GRM3: variants seen among roughly 807,000 people sequenced by gnomAD.
GRM3 encodes the protein metabotropic glutamate receptor 3.
GRM3 carries 26 observed loss-of-function variants against 70.5 expected under a neutral mutation model. The ratio of observed to expected loss-of-function variants is 0.37; its 90% CI spans 0.27 to 0.51. GRM3 has a LOEUF of 0.51. Among genes scored for constraint, GRM3 ranks in the 20% least tolerant of loss-of-function variants. The probability of loss-of-function intolerance (pLI) is 0.93; values close to 1 mark genes in which losing one functional copy is unlikely to be tolerated. For missense variants in GRM3, 859 were observed against 1,123.8 expected, an observed-to-expected ratio of 0.76 and a Z score of 3.37; for synonymous variants, 443 against 434.9, an observed-to-expected ratio of 1.02 and a Z score of -0.23.
chr7:86,704,931 A>C (rs2116123592), intron 1 of GRM3, among the ~76,000 whole-genome samples: 1 of 152,038 alleles, frequency 6.6e-6, no homozygotes, highest in South Asian at 2.1e-4. Flanking sequence ...GGACAAGTCA[A>C]TCAATGTTAA....
At chr7:86,794,747 C>T (rs1797508355) in intron 3 of GRM3, among the ~76,000 whole-genome samples, 1 of 152,140 alleles carries the variant, frequency 6.6e-6, no homozygotes, top group Admixed American at 6.5e-5. Context: ...ACTGTACCTA[C>T]ACTCCAAACT....
intron 2 of GRM3, among the ~76,000 whole-genome samples, chr7:86,769,804 G>T (rs2116436477): frequency 6.6e-6 from 1 of 152,164 alleles, no homozygotes; most frequent in South Asian, 2.1e-4. Context: ...CAACAGTATT[G>T]ATTTCTTAAT....
At chr7:86,782,069 G>A (rs1317284768) in intron 2 of GRM3, among the ~76,000 whole-genome samples, 4 of 152,118 alleles carry the variant, frequency 2.6e-5, no homozygotes, top group African/African-American at 9.7e-5. Flanking sequence ...TCAGTTCTAA[G>A]TGTTTCCATG....
At chr7:86,746,819 T>C (rs2116342912) in intron 1 of GRM3, among the ~76,000 whole-genome samples, 1 of 152,144 alleles carries the variant, frequency 6.6e-6, no homozygotes, top group East Asian at 1.9e-4. Flanking sequence ...AATAATAGGG[T>C]TGGCAAATGC....
chr7:86,760,275 G>A (rs760535062), intron 1 of GRM3, among the ~76,000 whole-genome samples: 2 of 152,048 alleles, frequency 1.3e-5, no homozygotes, highest in Non-Finnish European at 2.9e-5. Context: ...CATATGCAGA[G>A]TACAGAAATG....
chr7:86,707,044 C>G (rs148982852), intron 1 of GRM3, among the ~76,000 whole-genome samples: 1 of 151,852 alleles, frequency 6.6e-6, no homozygotes, highest in Admixed American at 6.6e-5. Flanking sequence ...TAAATTAGAC[C>G]GATAGCAAGA....
intron 3 of GRM3, chr7:86,832,986 C>G: frequency 1.0e-6 from 1 of 981,832 alleles, no homozygotes; most frequent in Non-Finnish European, 1.2e-6. Context: ...AAAAATTCTT[C>G]CATCTTCCTG....
At chr7:86,764,929 G>T (rs966618258) in intron 1 of GRM3, 77 bp from the exon 2 acceptor site, 1 of 1,015,396 alleles carries the variant, frequency 9.8e-7, no homozygotes, top group Non-Finnish European at 1.3e-6. Context: ...TCCCATTAAA[G>T]GTCTGATTGG....
At chr7:86,780,292 T>C (rs1488480884) in intron 2 of GRM3, among the ~76,000 whole-genome samples, 1 of 152,190 alleles carries the variant, frequency 6.6e-6, no homozygotes, top group African/African-American at 2.4e-5. Flanking sequence ...CCTGTATGCA[T>C]ATGTAACAAA....
At chr7:86,864,221 GCTATTA>G in intron 5 of GRM3, 55 bp from the exon 6 acceptor site, 1 of 839,812 alleles carries the variant, frequency 1.2e-6, no homozygotes, top group Non-Finnish European at 2.1e-6. Context: ...TATCCTTCAT[GCTATTA>G]CCTTTGTGTC....
chr7:86,862,626 C>T (rs1798981424), intron 5 of GRM3, among the ~76,000 whole-genome samples: 1 of 152,072 alleles, frequency 6.6e-6, no homozygotes, highest in Non-Finnish European at 1.5e-5. Flanking sequence ...TAGCATGTTG[C>T]ATGACTCCAG....
rs1011754720 is a variant in GRM3, at chr7:86,844,848, A to G, written c.2391+4943A>G. Among the ~76,000 whole-genome samples the G allele has an allele frequency of 2.0e-5, 3 of 152,122 alleles. No homozygotes were observed. In the East Asian group the frequency reaches 5.8e-4, roughly 29 times the overall value. On this transcript the variant is annotated intron_variant, in intron 4 of 5. Coordinates refer to ENST00000361669, the MANE Select transcript of GRM3 (RefSeq NM_000840.3). The stretch of plus-strand genomic sequence containing the variant: ...AACTTTATTACTCATAGCCATAGCA[A>G]TAGCCAGAGTATCAACACTTCTGTA...
chr7:86,650,468 C>T (rs1793577511), intron 1 of GRM3, among the ~76,000 whole-genome samples: 1 of 152,102 alleles, frequency 6.6e-6, no homozygotes, highest in Admixed American at 6.5e-5. Context: ...AAACAATAAT[C>T]AATGAAAGGG....
intron 2 of GRM3, among the ~76,000 whole-genome samples, chr7:86,780,776 T>A (rs967566233): frequency 2.0e-5 from 3 of 152,306 alleles, no homozygotes; most frequent in East Asian, 1.9e-4. Flanking sequence ...TGATGGCCAG[T>A]CAGTAAACGA....
At chr7:86,842,876 T>C (rs1031688772) in intron 4 of GRM3, among the ~76,000 whole-genome samples, 44 of 152,162 alleles carry the variant, frequency 2.9e-4, no homozygotes, top group African/African-American at 1.0e-3. Context: ...TCATGATCTT[T>C]CCAGGATCAC....
intron 2 of GRM3, among the ~76,000 whole-genome samples, chr7:86,785,110 A>T (rs553494583): frequency 6.6e-6 from 1 of 152,258 alleles, no homozygotes; most frequent in Non-Finnish European, 1.5e-5. Context: ...GAAAAATTTC[A>T]AAGTACTAAT....
In GRM3 at chr7:86,858,113, C is replaced by T. The variant is rs148742363; in HGVS notation, c.2567-6169C>T. 2.2e-3 allele frequency among the ~76,000 whole-genome samples: 327 copies of T among 151,976 alleles called. 4 individuals carry two copies. The highest frequency in any genetic ancestry group is 7.4e-3 in the African/African-American group (307 of 41,488). ...CTGGGACTACAGGCACCCGCCACCACGCACGGCTAATTTTTTGTATTTTTA... is the reference window on the plus strand; with the variant it reads ...CTGGGACTACAGGCACCCGCCACCATGCACGGCTAATTTTTTGTATTTTTA... On this transcript the variant is annotated intron_variant, in intron 5 of 5. Coordinates refer to ENST00000361669, the MANE Select transcript of GRM3 (RefSeq NM_000840.3).
At chr7:86,765,843 C>G (rs995904237) in intron 2 of GRM3, among the ~76,000 whole-genome samples, 1 of 152,044 alleles carries the variant, frequency 6.6e-6, no homozygotes, top group Admixed American at 6.5e-5. Context: ...AAACACTACC[C>G]CCAAAATTCA....
chr7:86,741,239 T>C (rs1399170686), intron 1 of GRM3, among the ~76,000 whole-genome samples: 4 of 152,096 alleles, frequency 2.6e-5, no homozygotes, highest in African/African-American at 4.8e-5. Flanking sequence ...GAATGAAACA[T>C]AGGGTTTATA....
Sources: allele counts gnomAD v4.1 joint callset (sites outside exome capture counted in the v4.1 genomes callset), GRCh38; gene constraint gnomAD v4.1.1; transcripts MANE v1.5; gene names NCBI Gene and HGNC (gene_info 2026-07-23, HGNC 2026-07-21).